Variants in MYO5B observed in about 807,000 individuals in gnomAD.
MYO5B encodes myosin VB, also known as unconventional myosin-Vb.
Under a neutral mutation model 229.3 loss-of-function variants are expected in MYO5B, and 143 were observed. That is an observed-to-expected ratio of 0.62 (90% CI 0.54 to 0.72). The LOEUF (loss-of-function observed/expected upper bound fraction) is 0.72. MYO5B is among the 30% of genes least tolerant of loss of function. MYO5B has a pLI of 0.00. For missense variants in MYO5B, 2,321 were observed against 2,331.0 expected (o/e 1.00, Z 0.09); for synonymous variants, 918 against 885.2 (o/e 1.04, Z -0.66).
At chr18:50,064,204 G>A (rs895044359) in intron 1 of MYO5B, 1 of 153,172 alleles carries the variant, frequency 6.5e-6, no homozygotes, top group Non-Finnish European at 1.5e-5. Context: ...TTGAGCACAA[G>A]GGAACATTCT....
intron 17 of MYO5B, among the ~76,000 whole-genome samples, chr18:49,924,393 G>A (rs1292296350): frequency 6.6e-6 from 1 of 152,164 alleles, no homozygotes; most frequent in Non-Finnish European, 1.5e-5. Context: ...GGAAACCTAG[G>A]CTCATTGAGA....
intron 14 of MYO5B, among the ~76,000 whole-genome samples, chr18:49,943,842 C>T (rs563040571): frequency 6.6e-6 from 1 of 152,044 alleles, no homozygotes; most frequent in Non-Finnish European, 1.5e-5. Context: ...AACAAAGATG[C>T]GACTAAATCG....
intron 1 of MYO5B, among the ~76,000 whole-genome samples, chr18:50,076,925 T>C (rs1296148934): frequency 4.5e-5 from 2 of 44,884 alleles, no homozygotes; most frequent in Non-Finnish European, 5.1e-5. Context: ...AAAACTGATG[T>C]TGCAAAAAAA....
chr18:50,134,297 T>C (rs1021717988), intron 1 of MYO5B, among the ~76,000 whole-genome samples: 1 of 151,860 alleles, frequency 6.6e-6, no homozygotes, highest in Admixed American at 6.6e-5. Context: ...GGCTCACGCC[T>C]GTAATCCCAG....
At chr18:50,138,414 T>TGG (rs112801414) in intron 1 of MYO5B, among the ~76,000 whole-genome samples, 7 of 151,450 alleles carry the variant, frequency 4.6e-5, no homozygotes, top group African/African-American at 1.2e-4. Flanking sequence ...GTGCCCAATT[T>TGG]GGGGGGGGTG....
chr18:49,928,135 A>C (rs1330433414), intron 17 of MYO5B, among the ~76,000 whole-genome samples: 1 of 152,248 alleles, frequency 6.6e-6, no homozygotes, highest in Non-Finnish European at 1.5e-5. Context: ...ATGTGAAAAA[A>C]TGCTCAACAT....
intron 1 of MYO5B, among the ~76,000 whole-genome samples, chr18:50,140,740 C>G (rs945902288): frequency 1.3e-5 from 2 of 152,212 alleles, no homozygotes; most frequent in East Asian, 3.8e-4. Flanking sequence ...GTTATAACCA[C>G]AGTCCACACA....
At chr18:50,155,052 C>T (rs544244090) in intron 1 of MYO5B, among the ~76,000 whole-genome samples, 14 of 152,292 alleles carry the variant, frequency 9.2e-5, no homozygotes, top group African/African-American at 3.1e-4. Flanking sequence ...GGTTTTAACT[C>T]GGACAAATTT....
At chr18:49,965,294 A>G (rs937281541) in intron 10 of MYO5B, among the ~76,000 whole-genome samples, 2 of 152,176 alleles carry the variant, frequency 1.3e-5, no homozygotes, top group African/African-American at 4.8e-5. Context: ...CATTATACAC[A>G]CATTGGCAGC....
At position 49,982,063 on chromosome 18, in the gene MYO5B, A is replaced by C. The variant is rs76148639; in HGVS notation, c.947-1510T>G. ...AACAAGAAGGATATACTCCCTAGAC[A>C]GTAGCTTTTCTACTTCGTTTATCTA... is the stretch of plus-strand genomic sequence containing the variant. On this transcript the variant is annotated intron_variant, in intron 8 of 39. Transcript: ENST00000285039. Among the ~76,000 whole-genome samples, 24 of 152,242 alleles carry C rather than the reference A, an allele frequency of 1.6e-4. 1 individual carries two copies. In the East Asian group the frequency reaches 4.4e-3, roughly 28 times the overall value.
At chr18:50,161,194 G>A (rs998820992) in intron 1 of MYO5B, among the ~76,000 whole-genome samples, 8 of 152,220 alleles carry the variant, frequency 5.3e-5, no homozygotes, top group African/African-American at 1.7e-4. Flanking sequence ...GACCAGCCTG[G>A]TCAACATGGT....
intron 12 of MYO5B, among the ~76,000 whole-genome samples, 172 bp downstream of exon 12, chr18:49,962,094 C>CA (rs2025565883): frequency 6.6e-6 from 1 of 152,152 alleles, no homozygotes; most frequent in Non-Finnish European, 1.5e-5. Flanking sequence ...AAACATGTTG[C>CA]CTTCTAGCAC....
At chr18:50,036,319 C>G (rs1038227137) in intron 4 of MYO5B, among the ~76,000 whole-genome samples, 2 of 152,212 alleles carry the variant, frequency 1.3e-5, no homozygotes, top group Non-Finnish European at 2.9e-5. Context: ...AGGAGATCTA[C>G]TTAAATGCCT....
rs576210812 is a variant in MYO5B at position 49,929,496 on chromosome 18, C to G, written c.2090+16G>C. ...TAGGGCAGCCCCAGGAGGCAGCTGG[C>G]GGGCACGTTAGTTACCTGGATGGGT... On this transcript the variant is annotated intron_variant, in intron 17 of 39. Coordinates refer to ENST00000285039, the MANE Select transcript of MYO5B (RefSeq NM_001080467.3). The G allele has an allele frequency of 1.3e-5, 20 of 1,594,324 alleles. No homozygotes were observed. In the East Asian group the frequency reaches 4.0e-4, roughly 32 times the overall value.
intron 9 of MYO5B, among the ~76,000 whole-genome samples, chr18:49,978,935 T>G (rs770258631): frequency 1.3e-5 from 2 of 152,102 alleles, no homozygotes; most frequent in Non-Finnish European, 2.9e-5. Flanking sequence ...ATCTCACCTG[T>G]CCCTGACACA....
At position 49,904,557 on chromosome 18, in the gene MYO5B, A is replaced by C. The variant is rs543797731; in HGVS notation, c.2571+115T>G. 3.8e-5 allele frequency: 50 copies of C among 1,301,030 alleles called. No homozygotes were observed. The South Asian group carries it at 5.8e-4, about 15-fold the overall frequency. The allele number at this position is 1,301,030 out of a possible 1,614,324, so 80.6% of individuals were successfully genotyped here. ...GGATTTGGTGAGAGCAGAGATGTGA[A>C]AGCATTTAGAAAAAAGTTGGGAGTG... On this transcript the variant is annotated intron_variant, in intron 20 of 39. Transcript: ENST00000285039.
At chr18:50,011,459 T>A (rs1459583932) in intron 4 of MYO5B, among the ~76,000 whole-genome samples, 1 of 152,026 alleles carries the variant, frequency 6.6e-6, no homozygotes, top group African/African-American at 2.4e-5. Context: ...ACACATATGC[T>A]CAACTGCCCA....
chr18:50,047,448 T>G (rs1485710850), intron 2 of MYO5B, among the ~76,000 whole-genome samples: 3 of 152,140 alleles, frequency 2.0e-5, no homozygotes, highest in Non-Finnish European at 4.4e-5. Context: ...CAACAGGTGC[T>G]GGAGAGGATG....
At chr18:50,138,649 CG>C (rs1266850734) in intron 1 of MYO5B, among the ~76,000 whole-genome samples, 1 of 140,100 alleles carries the variant, frequency 7.1e-6, no homozygotes, top group Non-Finnish European at 1.5e-5. Context: ...ACTCTTGAGT[CG>C]GAAAAAAAAA....
Sources: allele counts gnomAD v4.1 joint callset (sites outside exome capture counted in the v4.1 genomes callset), GRCh38; gene constraint gnomAD v4.1.1; transcripts MANE v1.5; gene names NCBI Gene and HGNC (gene_info 2026-07-23, HGNC 2026-07-21).